Variants in NTN4 observed in about 807,000 individuals in gnomAD.
The protein encoded by NTN4 is netrin 4.
In NTN4, 32 loss-of-function variants were observed where a neutral mutation model predicts 73.6. The observed-to-expected ratio is 0.44, with a 90% confidence interval of 0.33 to 0.58. The LOEUF (loss-of-function observed/expected upper bound fraction) is 0.58, where lower values mean the gene tolerates loss of function less well. Ranked by LOEUF, NTN4 falls within the 20% of genes least tolerant of loss-of-function variation. The pLI, the probability that NTN4 is intolerant of heterozygous loss-of-function variation, is 0.04. For synonymous variants in NTN4, 258 were observed against 287.5 expected, an observed-to-expected ratio of 0.90 and a Z score of 1.04; for missense variants, 654 against 798.3, an observed-to-expected ratio of 0.82 and a Z score of 2.18.
At chr12:95,748,506 C>G (rs1278988948) in intron 2 of NTN4, among the ~76,000 whole-genome samples, 4 of 136,264 alleles carry the variant, frequency 2.9e-5, no homozygotes, top group Non-Finnish European at 6.1e-5. Flanking sequence ...GAGATGGAGT[C>G]TCGCTCTGTT....
chr12:95,680,914 G>A (rs932246455), intron 7 of NTN4, among the ~76,000 whole-genome samples: 1 of 152,108 alleles, frequency 6.6e-6, no homozygotes, highest in African/African-American at 2.4e-5. Context: ...TAACGGCCGG[G>A]CGCGGTGGCT....
intron 2 of NTN4, among the ~76,000 whole-genome samples, chr12:95,752,432 T>G (rs184788294): frequency 0.12 from 17,530 of 148,646 alleles, 1,158 homozygotes; most frequent in Non-Finnish European, 0.18. Flanking sequence ...TCTTTACTAT[T>G]CCTTTGCACC....
At chr12:95,750,060 AGAG>A (rs1328092719) in intron 2 of NTN4, among the ~76,000 whole-genome samples, 22 of 150,646 alleles carry the variant, frequency 1.5e-4, no homozygotes, top group African/African-American at 2.9e-4. Flanking sequence ...CTGCTTTTCT[AGAG>A]GAGGGGCAAG....
chr12:95,659,155 G>GC lies in NTN4; in HGVS notation c.1817dup (p.Ser606ArgfsTer43). 1 of 1,613,388 alleles carries GC rather than the reference G, an allele frequency of 6.2e-7. No homozygotes were observed. The highest frequency in any genetic ancestry group is 1.1e-5 in the South Asian group (1 of 90,994). ...GAGAAGGTTTCCAGTGCTGGACAAA[G>GC]CTTTTCATATTCACAATTAGTTTGC... On this transcript the variant is annotated frameshift_variant, in exon 10 of 10. Coordinates refer to ENST00000343702, the MANE Select transcript of NTN4 (RefSeq NM_021229.4). LOFTEE classifies it high-confidence loss of function.
rs956979514 is a variant in NTN4, at chr12:95,789,470, C to A, written c.55+785G>T. 6.6e-6 allele frequency among the ~76,000 whole-genome samples: 1 copy of A among 152,182 alleles called. No homozygotes were observed. Among genetic ancestry groups the A allele is most frequent in the East Asian group, 1.9e-4 (1 of 5,202 alleles). Reference sequence around the variant, plus strand: ...GACCCGCAAGAGGGAGGGAGAGGAGCAGAAGGGGCTCCCGAATACAGAAAC... The same window carrying A: ...GACCCGCAAGAGGGAGGGAGAGGAGAAGAAGGGGCTCCCGAATACAGAAAC... On this transcript the variant is annotated intron_variant, in intron 1 of 9. Coordinates refer to ENST00000343702, the MANE Select transcript of NTN4 (RefSeq NM_021229.4). The surrounding 1 kb of genome is among the most constrained non-coding windows in gnomAD (Gnocchi z 4.0).
intron 2 of NTN4, among the ~76,000 whole-genome samples, chr12:95,780,318 A>G (rs1417015680): frequency 2.6e-5 from 4 of 152,258 alleles, no homozygotes; most frequent in Admixed American, 6.5e-5. Flanking sequence ...ATGAAACTAA[A>G]GAGCTTCTGC....
intron 9 of NTN4, among the ~76,000 whole-genome samples, chr12:95,662,524 C>A (rs1024571653): frequency 6.6e-6 from 1 of 151,906 alleles, no homozygotes; most frequent in Non-Finnish European, 1.5e-5. Context: ...AACCACTGCA[C>A]CCTGCTAAAA....
In NTN4 at chr12:95,681,236, T is replaced by G. The variant is rs1405617332; in HGVS notation, c.1510+1471A>C. Among the ~76,000 whole-genome samples, 3 of 149,906 alleles carry G rather than the reference T, an allele frequency of 2.0e-5. No homozygotes were observed. In the East Asian group the frequency reaches 5.8e-4, roughly 29 times the overall value. On this transcript the variant is annotated intron_variant, in intron 7 of 9. Coordinates refer to ENST00000343702, the MANE Select transcript of NTN4 (RefSeq NM_021229.4). ...AGTAGATATCATGTGCATGGAATTC[T>G]GAAATACTCAATATATATATAGGTA...
chr12:95,785,430 T>G (rs2079160170), intron 2 of NTN4, among the ~76,000 whole-genome samples: 1 of 152,228 alleles, frequency 6.6e-6, no homozygotes. Flanking sequence ...CATGACAGGT[T>G]GCAAATGGGC....
In NTN4 at chr12:95,700,080, A is replaced by ATTTTTTTTTTTTTTTTTTTTTTTTTT. The variant is rs56063223; in HGVS notation, c.1180+10335_1180+10360dup. Among the ~76,000 whole-genome samples, 2 of 41,788 alleles carry ATTTTTTTTTTTTTTTTTTTTTTTTTT rather than the reference A, an allele frequency of 4.8e-5. 1 individual carries two copies. The highest frequency in any genetic ancestry group is 8.6e-5 in the Non-Finnish European group (2 of 23,308). 27.4% of individuals were successfully genotyped at this position (41,788 alleles called of 152,430 possible). ...AACAGTGTATTCTTCTAAAGTGAGGATTTTTTTTTTTTTTTTTTTTTTTTT... is the reference window on the plus strand; with the variant it reads ...AACAGTGTATTCTTCTAAAGTGAGGATTTTTTTTTTTTTTTTTTTTTTTTTTTTTTTTTTTTTTTTTTTTTTTTTTT... On this transcript the variant is annotated intron_variant, in intron 5 of 9. Transcript: ENST00000343702.
Position 95,749,596 on chromosome 12 carries a change from G to A in NTN4, c.586-11452C>T, listed in dbSNP as rs12823190. On this transcript the variant is annotated intron_variant, in intron 2 of 9. Transcript: ENST00000343702. ...TCCGTGCACCCAAAACTCTGGCGCC[G>A]GTCACGGACTGGGAAGGCAGCCTTC... Among the ~76,000 whole-genome samples, 595 of 152,286 alleles carry A rather than the reference G, an allele frequency of 3.9e-3. 2 individuals carry two copies. Among genetic ancestry groups the A allele is most frequent in the South Asian group, 7.7e-3 (37 of 4,822 alleles).
At chr12:95,767,416 A>C (rs2079027704) in intron 2 of NTN4, among the ~76,000 whole-genome samples, 1 of 152,194 alleles carries the variant, frequency 6.6e-6, no homozygotes, top group African/African-American at 2.4e-5. Flanking sequence ...TGGCAAGGAA[A>C]ATAATATTTA....
At chr12:95,752,268 G>C (rs28849081) in intron 2 of NTN4, among the ~76,000 whole-genome samples, 1 of 141,958 alleles carries the variant, frequency 7.0e-6, no homozygotes, top group East Asian at 2.1e-4. Context: ...ACCTGTCCTA[G>C]AACCAGACAA....
At chr12:95,686,842 T>G (rs1389040692) in intron 5 of NTN4, among the ~76,000 whole-genome samples, 2 of 152,126 alleles carry the variant, frequency 1.3e-5, no homozygotes, top group African/African-American at 2.4e-5. Context: ...CTTTCCCCAG[T>G]GCATCTTTTT....
chr12:95,744,827 G>T (rs1028547731), intron 2 of NTN4, among the ~76,000 whole-genome samples: 5 of 119,774 alleles, frequency 4.2e-5, no homozygotes, highest in Admixed American at 3.9e-4. Context: ...ATCTGCTGGT[G>T]AAAAACTTTT....
chr12:95,789,274 AG>A lies in NTN4; in HGVS notation c.55+980del, dbSNP rs2079190794. 6.6e-6 allele frequency among the ~76,000 whole-genome samples: 1 copy of A among 152,178 alleles called. No homozygotes were observed. The highest frequency in any genetic ancestry group is 1.5e-5 in the Non-Finnish European group (1 of 68,016). On this transcript the variant is annotated intron_variant, in intron 1 of 9. Transcript: ENST00000343702. The surrounding 1 kb of genome is among the most constrained non-coding windows in gnomAD (Gnocchi z 4.0). ...GCCCTCAGGGAAGAGTGGAAGCCCA[AG>A]GGAGGAGATGCGTGCTACAATGTTC...
At chr12:95,661,195 T>C (rs2078135480) in intron 9 of NTN4, among the ~76,000 whole-genome samples, 1 of 152,214 alleles carries the variant, frequency 6.6e-6, no homozygotes, top group Non-Finnish European at 1.5e-5. Context: ...GTTAAAACCA[T>C]TTCTTACTTT....
intron 5 of NTN4, among the ~76,000 whole-genome samples, chr12:95,704,476 CTTAT>C (rs908062983): frequency 2.0e-5 from 3 of 152,038 alleles, no homozygotes; most frequent in Admixed American, 6.6e-5. Flanking sequence ...AATATGTTAA[CTTAT>C]TTGTCATAAG....
At chr12:95,668,841 T>C (rs1054221452) in intron 8 of NTN4, among the ~76,000 whole-genome samples, 12 of 151,906 alleles carry the variant, frequency 7.9e-5, no homozygotes, top group African/African-American at 2.9e-4. Context: ...AATACAAAAA[T>C]TAGGTCAGGC....
Sources: allele counts gnomAD v4.1 joint callset (sites outside exome capture counted in the v4.1 genomes callset), GRCh38; gene constraint gnomAD v4.1.1; non-coding constraint Gnocchi (gnomAD v3.1); transcripts MANE v1.5; gene names NCBI Gene and HGNC (gene_info 2026-07-23, HGNC 2026-07-21).